SH3GL2: variants seen among roughly 807,000 people sequenced by gnomAD.
SH3GL2 encodes the protein SH3 domain containing GRB2 like 2, endophilin A1, also known as endophilin-A1.
In SH3GL2, 24 loss-of-function variants were observed where a neutral mutation model predicts 46.0. That is an observed-to-expected ratio of 0.52 (90% confidence interval 0.38 to 0.73). The LOEUF is 0.73. Ranked by LOEUF, SH3GL2 falls within the 30% of genes least tolerant of loss-of-function variation. The pLI is 0.00. For synonymous variants in SH3GL2, 196 were observed against 147.1 expected, an observed-to-expected ratio of 1.33 and a Z score of -2.40; for missense variants, 413 against 424.2, an observed-to-expected ratio of 0.97 and a Z score of 0.23.
Position 17,793,437 on chromosome 9 carries a change from A to C in SH3GL2, c.799A>C (p.Thr267Pro), listed in dbSNP as rs141085502. ...ACCACGAATGAGCCTGGAGTTTCCA[A>C]CTGGAGACAGTACTCAGCCCAATGG... ...PKPRMSLEFPTGDSTQPNGGL... is the reference protein window; with the variant it reads ...PKPRMSLEFPPGDSTQPNGGL... Residue 267 changes from threonine (T) to proline (P), a missense_variant, in exon 8 of 9, where the codon ACT (threonine) becomes CCT (proline). This residue lies in a region of SH3GL2 where 248 missense variants were observed against 215.0 expected (regional missense o/e 1.15). Coordinates refer to ENST00000380607, the MANE Select transcript of SH3GL2 (RefSeq NM_003026.5). 1.9e-6 allele frequency: 3 copies of C among 1,612,224 alleles called. No homozygotes were observed. Among genetic ancestry groups the C allele is most frequent in the Non-Finnish European group, 2.5e-6 (3 of 1,179,432 alleles).
At chr9:17,719,398 G>A (rs1209200254) in intron 1 of SH3GL2, among the ~76,000 whole-genome samples, 1 of 152,118 alleles carries the variant, frequency 6.6e-6, no homozygotes, top group Non-Finnish European at 1.5e-5. Flanking sequence ...GCCAAATTCA[G>A]AGCAGCTTAT....
At chr9:17,714,150 C>T (rs1205804497) in intron 1 of SH3GL2, among the ~76,000 whole-genome samples, 1 of 151,574 alleles carries the variant, frequency 6.6e-6, no homozygotes, top group Non-Finnish European at 1.5e-5. Flanking sequence ...TAGAAATAGT[C>T]CTTACTATGG....
rs563446654 is a variant in SH3GL2, at chr9:17,593,043, G to C, written c.45+13756G>C. On this transcript the variant is annotated intron_variant, in intron 1 of 8. Transcript: ENST00000380607. Reference sequence around the variant, plus strand: ...GACAGCTGAACATGTGGTGGTTCCTGAAAGAGGATGTGCCTGGAGAGGGTA... The same window carrying C: ...GACAGCTGAACATGTGGTGGTTCCTCAAAGAGGATGTGCCTGGAGAGGGTA... Among the ~76,000 whole-genome samples the C allele has an allele frequency of 2.0e-5, 3 of 152,318 alleles. No homozygotes were observed. In the East Asian group the frequency reaches 5.8e-4, roughly 29 times the overall value.
rs1007366258 is a variant in SH3GL2 at position 17,615,211 on chromosome 9, TTTCTGGAG to T, written c.45+35926_45+35933del. ...CCCGTAGCAGGGTGAGATATGGACC[TTTCTGGAG>T]TCTGTTTTACAAGAAGTGTTTACTG... On this transcript the variant is annotated intron_variant, in intron 1 of 8. Coordinates refer to ENST00000380607, the MANE Select transcript of SH3GL2 (RefSeq NM_003026.5). Among the ~76,000 whole-genome samples the T allele has an allele frequency of 2.6e-5, 4 of 152,330 alleles. No individual in the cohort carries two copies. The East Asian group carries it at 7.7e-4, about 29-fold the overall frequency.
chr9:17,736,584 C>T (rs1822340718), intron 1 of SH3GL2, among the ~76,000 whole-genome samples: 1 of 152,128 alleles, frequency 6.6e-6, no homozygotes, highest in Admixed American at 6.5e-5. Context: ...GAACATTTAT[C>T]TCAGGATAGA....
chr9:17,617,969 T>A (rs1235039827), intron 1 of SH3GL2, among the ~76,000 whole-genome samples: 1 of 152,132 alleles, frequency 6.6e-6, no homozygotes, highest in African/African-American at 2.4e-5. Flanking sequence ...TCATTTTGGC[T>A]AGGGTTTAGG....
intron 3 of SH3GL2, among the ~76,000 whole-genome samples, chr9:17,767,328 T>C (rs1025407871): frequency 6.6e-6 from 1 of 152,252 alleles, no homozygotes; most frequent in African/African-American, 2.4e-5. Context: ...AAAAGCTAGC[T>C]GTATTAGTTT....
intron 1 of SH3GL2, among the ~76,000 whole-genome samples, chr9:17,635,737 T>C (rs889811818): frequency 1.3e-5 from 2 of 152,190 alleles, no homozygotes; most frequent in African/African-American, 2.4e-5. Flanking sequence ...GGAATGTCTC[T>C]TGGAGTCAGC....
chr9:17,726,486 T>C (rs1822023421), intron 1 of SH3GL2, among the ~76,000 whole-genome samples: 1 of 152,178 alleles, frequency 6.6e-6, no homozygotes, highest in South Asian at 2.1e-4. Flanking sequence ...TGTAGGGCTT[T>C]GCTGGCTGTG....
chr9:17,623,978 A>G (rs1819217988), intron 1 of SH3GL2, among the ~76,000 whole-genome samples: 1 of 152,200 alleles, frequency 6.6e-6, no homozygotes, highest in South Asian at 2.1e-4. Flanking sequence ...TTTCTGTCTC[A>G]TACAGGTTCT....
At chr9:17,677,004 TA>T (rs1820630213) in intron 1 of SH3GL2, among the ~76,000 whole-genome samples, 1 of 152,180 alleles carries the variant, frequency 6.6e-6, no homozygotes, top group South Asian at 2.1e-4. Flanking sequence ...ACTGCAGAAC[TA>T]GGTCTGCTCA....
intron 1 of SH3GL2, among the ~76,000 whole-genome samples, chr9:17,612,341 A>G (rs1479929011): frequency 6.6e-6 from 1 of 151,872 alleles, no homozygotes; most frequent in Non-Finnish European, 1.5e-5. Flanking sequence ...TATGTGGTAC[A>G]CTCTTTTTGT....
intron 1 of SH3GL2, among the ~76,000 whole-genome samples, chr9:17,721,411 A>G (rs1821891049): frequency 6.6e-6 from 1 of 152,088 alleles, no homozygotes. Context: ...TCTTTTTTAT[A>G]TGTATATTTT....
intron 1 of SH3GL2, among the ~76,000 whole-genome samples, chr9:17,606,316 C>G (rs1365742282): frequency 6.6e-6 from 1 of 152,130 alleles, no homozygotes; most frequent in Non-Finnish European, 1.5e-5. Context: ...TGGTCTTGAA[C>G]TCCTGACCTC....
chr9:17,677,264 C>G (rs926436218), intron 1 of SH3GL2, among the ~76,000 whole-genome samples: 6 of 152,104 alleles, frequency 3.9e-5, no homozygotes, highest in Admixed American at 2.6e-4. Flanking sequence ...TTCTCATGTT[C>G]ACATTCACTG....
intron 1 of SH3GL2, among the ~76,000 whole-genome samples, chr9:17,627,042 T>C (rs547262472): frequency 6.6e-6 from 1 of 152,284 alleles, no homozygotes; most frequent in East Asian, 1.9e-4. Context: ...CATGTAATTG[T>C]CACAACTACC....
chr9:17,623,667 T>G (rs1271383141), intron 1 of SH3GL2, among the ~76,000 whole-genome samples: 1 of 151,656 alleles, frequency 6.6e-6, no homozygotes, highest in African/African-American at 2.4e-5. Context: ...ATTTATCTAA[T>G]TCACCTTTTC....
At chr9:17,777,553 T>G (rs1192212979) in intron 3 of SH3GL2, among the ~76,000 whole-genome samples, 1 of 152,180 alleles carries the variant, frequency 6.6e-6, no homozygotes, top group Non-Finnish European at 1.5e-5. Context: ...TTTATTTTCT[T>G]GCAGTTCTGG....
chr9:17,677,265 A>G (rs1820636177), intron 1 of SH3GL2, among the ~76,000 whole-genome samples: 1 of 152,102 alleles, frequency 6.6e-6, no homozygotes, highest in African/African-American at 2.4e-5. Context: ...TCTCATGTTC[A>G]CATTCACTGT....
Sources: gnomAD v4.1 joint callset for allele counts (sites outside exome capture counted in the v4.1 genomes callset) on GRCh38, gnomAD v4.1.1 for gene constraint, gnomAD v4.1.1 regional missense constraint, MANE v1.5 for transcripts, NCBI Gene and HGNC (gene_info 2026-07-23, HGNC 2026-07-21) for gene names.